The following KCNIP4 variants were observed in gnomAD, a reference collection of about 807,000 sequenced individuals.
KCNIP4 encodes potassium voltage-gated channel interacting protein 4.
KCNIP4 carries 12 observed loss-of-function variants against 34.0 expected under a neutral mutation model. The ratio of observed to expected loss-of-function variants is 0.35; its 90% CI spans 0.23 to 0.57. KCNIP4 has a LOEUF of 0.57. KCNIP4 is among the 20% of genes least tolerant of loss of function. The pLI is 0.83. For missense variants in KCNIP4, 238 were observed against 311.7 expected (o/e 0.76, Z 1.78); for synonymous variants, 124 against 102.2 (o/e 1.21, Z -1.29).
rs1215294852 is a variant in KCNIP4 at position 21,758,343 on chromosome 4, T to G, written c.61+190228A>C. 2.0e-5 allele frequency among the ~76,000 whole-genome samples: 3 copies of G among 152,138 alleles called. No individual in the cohort carries two copies. The East Asian group carries it at 5.8e-4, about 29-fold the overall frequency. ...TGTGAATAGAGTAACTGAAGATGTG[T>G]GTATGGTTTTGTGGGAGAGTGCATG... is the stretch of plus-strand genomic sequence containing the variant. On this transcript the variant is annotated intron_variant, in intron 1 of 8. Transcript: ENST00000382152.
At chr4:21,363,563 T>C (rs1383541126) in intron 1 of KCNIP4, among the ~76,000 whole-genome samples, 4 of 152,158 alleles carry the variant, frequency 2.6e-5, no homozygotes, top group Admixed American at 6.6e-5. Context: ...ACTACATAGC[T>C]CTTTGGGAAG....
chr4:21,377,868 A>G (rs1392409407), intron 1 of KCNIP4, among the ~76,000 whole-genome samples: 2 of 152,210 alleles, frequency 1.3e-5, no homozygotes, highest in Non-Finnish European at 2.9e-5. Flanking sequence ...AGTAGCTCAT[A>G]TTCCTGACAT....
At chr4:21,270,329 G>A (rs892197185) in intron 1 of KCNIP4, among the ~76,000 whole-genome samples, 2 of 152,170 alleles carry the variant, frequency 1.3e-5, no homozygotes, top group Non-Finnish European at 2.9e-5. Flanking sequence ...AGCTGCCAAG[G>A]AAAACAATTC....
At chr4:21,223,187 A>G (rs1274015164) in intron 1 of KCNIP4, among the ~76,000 whole-genome samples, 4 of 152,180 alleles carry the variant, frequency 2.6e-5, no homozygotes, top group African/African-American at 7.2e-5. Flanking sequence ...GCAGGGTCAG[A>G]AAAAGGTGAT....
chr4:20,854,459 G>A (rs576916350), intron 2 of KCNIP4, among the ~76,000 whole-genome samples: 42 of 152,278 alleles, frequency 2.8e-4, no homozygotes, highest in Non-Finnish European at 4.1e-4. Flanking sequence ...AAAGGCATAA[G>A]AATGATACAA....
chr4:21,305,265 G>T (rs2109255976), intron 1 of KCNIP4, among the ~76,000 whole-genome samples: 1 of 152,266 alleles, frequency 6.6e-6, no homozygotes, highest in African/African-American at 2.4e-5. Context: ...TGGAGTATAA[G>T]TTTAGAATAT....
intron 2 of KCNIP4, among the ~76,000 whole-genome samples, chr4:20,852,234 A>C (rs1721114657): frequency 6.6e-6 from 1 of 152,166 alleles, no homozygotes; most frequent in South Asian, 2.1e-4. Context: ...TTAACAAAAT[A>C]CTCACTAGCT....
rs574371690 is a variant in KCNIP4 at position 21,589,099 on chromosome 4, A to G, written c.61+359472T>C. On this transcript the variant is annotated intron_variant, in intron 1 of 8. Coordinates refer to ENST00000382152, the MANE Select transcript of KCNIP4 (RefSeq NM_025221.6). ...AACCAGATTACTATAAAATAGTCTA[A>G]GTAATCAGTTAGGATATCCTGGACT... 3.5e-5 allele frequency among the ~76,000 whole-genome samples: 5 copies of G among 144,008 alleles called. No individual in the cohort carries two copies. In the Admixed American group the frequency reaches 3.5e-4, roughly 10 times the overall value. The allele number at this position is 144,008 out of a possible 152,430, so 94.5% of individuals were successfully genotyped here. A position where few individuals can be genotyped will look rare whatever the true frequency, so the allele number is the denominator to read the frequency against.
At chr4:20,902,782 A>T (rs1239456947) in intron 1 of KCNIP4, among the ~76,000 whole-genome samples, 2 of 152,142 alleles carry the variant, frequency 1.3e-5, no homozygotes, top group Non-Finnish European at 2.9e-5. Flanking sequence ...GGCCTCCCAA[A>T]GTGCTGGGAT....
chr4:20,744,617 A>G (rs1316387013), intron 5 of KCNIP4, among the ~76,000 whole-genome samples: 10 of 147,824 alleles, frequency 6.8e-5, no homozygotes, highest in Non-Finnish European at 1.3e-4. Flanking sequence ...GGGCCTGATG[A>G]GGGGTCAGGG....
At chr4:21,091,475 C>T (rs1457825111) in intron 1 of KCNIP4, among the ~76,000 whole-genome samples, 1 of 152,140 alleles carries the variant, frequency 6.6e-6, no homozygotes, top group Non-Finnish European at 1.5e-5. Context: ...GGCTTGAATT[C>T]TGGTTTCTCA....
At chr4:21,028,933 A>G (rs1239274951) in intron 1 of KCNIP4, among the ~76,000 whole-genome samples, 1 of 152,208 alleles carries the variant, frequency 6.6e-6, no homozygotes, top group Non-Finnish European at 1.5e-5. Context: ...TGCTCTACCT[A>G]AAGTATTTCC....
chr4:21,603,666 A>G (rs936571837), intron 1 of KCNIP4, among the ~76,000 whole-genome samples: 7 of 152,104 alleles, frequency 4.6e-5, no homozygotes, highest in Admixed American at 4.6e-4. Flanking sequence ...GAATCTTCCA[A>G]TCTTAAGACA....
chr4:21,118,980 C>T (rs1749915623), intron 1 of KCNIP4, among the ~76,000 whole-genome samples: 1 of 152,164 alleles, frequency 6.6e-6, no homozygotes, highest in Admixed American at 6.5e-5. Flanking sequence ...ACAGAAAAAT[C>T]ACGCCATCCA....
intron 1 of KCNIP4, among the ~76,000 whole-genome samples, chr4:21,871,137 T>C (rs896456201): frequency 5.3e-5 from 8 of 151,326 alleles, no homozygotes; most frequent in African/African-American, 1.9e-4. Context: ...AGTTCTAGGG[T>C]ACATGTGCAC....
chr4:21,672,080 C>T (rs1460765262), intron 1 of KCNIP4, among the ~76,000 whole-genome samples: 1 of 152,106 alleles, frequency 6.6e-6, no homozygotes, highest in Non-Finnish European at 1.5e-5. Flanking sequence ...ATTTAAGATA[C>T]TGGTTCTGAC....
In KCNIP4 at chr4:20,967,400, G is replaced by T. The variant is rs143336820; in HGVS notation, c.62-84691C>A. On this transcript the variant is annotated intron_variant, in intron 1 of 8. Coordinates refer to ENST00000382152, the MANE Select transcript of KCNIP4 (RefSeq NM_025221.6). ...ATGCAATCCCCATCAAGCTACCAATGACTTTCTTCACAGAATTGGAAAAAA... is the reference window on the plus strand; with the variant it reads ...ATGCAATCCCCATCAAGCTACCAATTACTTTCTTCACAGAATTGGAAAAAA... Among the ~76,000 whole-genome samples, 911 of 152,216 alleles carry T rather than the reference G, an allele frequency of 6.0e-3. 10 individuals carry two copies. Among genetic ancestry groups the T allele is most frequent in the African/African-American group, 0.021 (863 of 41,528 alleles).
At chr4:21,309,741 C>T (rs909565727) in intron 1 of KCNIP4, among the ~76,000 whole-genome samples, 14 of 152,046 alleles carry the variant, frequency 9.2e-5, no homozygotes, top group Non-Finnish European at 1.8e-4. Flanking sequence ...GGATTGAAAC[C>T]CAAGTCTGAC....
intron 1 of KCNIP4, among the ~76,000 whole-genome samples, chr4:21,843,114 A>G (rs544298232): frequency 6.6e-6 from 1 of 152,244 alleles, no homozygotes; most frequent in South Asian, 2.1e-4. Context: ...AATTTGAGCA[A>G]AATATGTGAT....
Sources: allele counts gnomAD v4.1 joint callset (sites outside exome capture counted in the v4.1 genomes callset), GRCh38; gene constraint gnomAD v4.1.1; transcripts MANE v1.5; gene names NCBI Gene and HGNC (gene_info 2026-07-23, HGNC 2026-07-21).